The following NTN1 variants were observed in gnomAD, a reference collection of about 807,000 sequenced individuals.
NTN1 encodes the protein netrin 1.
In NTN1, 11 loss-of-function variants were observed where a neutral mutation model predicts 54.2. That is an observed-to-expected ratio of 0.20 (90% confidence interval 0.13 to 0.34). The LOEUF (loss-of-function observed/expected upper bound fraction) is 0.34, where lower values mean the gene tolerates loss of function less well. NTN1 is among the 10% of genes least tolerant of loss of function. NTN1 has a pLI of 1.00. For synonymous variants in NTN1, 371 were observed against 382.0 expected, an observed-to-expected ratio of 0.97 and a Z score of 0.33; for missense variants, 740 against 893.1, an observed-to-expected ratio of 0.83 and a Z score of 2.18.
At chr17:9,113,045 A>G (rs1434551910) in intron 2 of NTN1, among the ~76,000 whole-genome samples, 2 of 144,054 alleles carry the variant, frequency 1.4e-5, no homozygotes, top group East Asian at 2.0e-4. Flanking sequence ...TTTTTTTGAG[A>G]CAGAGTCTCA....
intron 6 of NTN1, among the ~76,000 whole-genome samples, chr17:9,231,986 G>A (rs1309842002): frequency 6.6e-6 from 1 of 152,108 alleles, no homozygotes; most frequent in African/African-American, 2.4e-5. Context: ...AGCCCTCACC[G>A]ATGCCTTTGT....
intron 3 of NTN1, among the ~76,000 whole-genome samples, chr17:9,163,534 C>T (rs906491446): frequency 1.4e-4 from 21 of 146,506 alleles, no homozygotes; most frequent in Admixed American, 1.0e-3. Flanking sequence ...ACAGTCACAG[C>T]GGAGTCGGCA....
At chr17:9,228,070 G>T (rs117462365) in intron 6 of NTN1, among the ~76,000 whole-genome samples, 3,380 of 152,210 alleles carry the variant, frequency 0.022, 57 homozygotes, top group Non-Finnish European at 0.039. Context: ...TCTGTGTGAG[G>T]CTCAGTCCTG....
chr17:9,159,684 G>A (rs533716459), intron 2 of NTN1, among the ~76,000 whole-genome samples: 3 of 152,102 alleles, frequency 2.0e-5, no homozygotes, highest in South Asian at 4.2e-4. Context: ...GCCTGTAATA[G>A]CAGCTACTCG....
intron 2 of NTN1, among the ~76,000 whole-genome samples, chr17:9,037,836 G>T (rs1362904290): frequency 6.6e-6 from 1 of 152,094 alleles, no homozygotes; most frequent in African/African-American, 2.4e-5. Context: ...CAGCCTCCCT[G>T]GTCTCTTCTT....
At chr17:9,232,927 C>T (rs1905863794) in intron 6 of NTN1, among the ~76,000 whole-genome samples, 1 of 152,100 alleles carries the variant, frequency 6.6e-6, no homozygotes, top group African/African-American at 2.4e-5. Flanking sequence ...CTTTCCACAG[C>T]GGGAGATTTA....
chr17:9,112,676 T>A (rs1008291647), intron 2 of NTN1, among the ~76,000 whole-genome samples: 8 of 151,644 alleles, frequency 5.3e-5, no homozygotes, highest in African/African-American at 1.7e-4. Flanking sequence ...ATACAAAAAA[T>A]TAGCCGGGCG....
the NTN1 span, among the ~76,000 whole-genome samples, chr17:9,011,256 A>T: frequency 6.6e-6 from 1 of 152,100 alleles, no homozygotes; most frequent in Non-Finnish European, 1.5e-5. Flanking sequence ...GCCACAGACT[A>T]GTGGTAGTTC....
intron 3 of NTN1, chr17:9,175,871 C>T (rs951108786): frequency 6.6e-6 from 1 of 152,144 alleles, no homozygotes; most frequent in Admixed American, 6.5e-5. Context: ...GGAAAAAATC[C>T]CCGGGTTGAT....
intron 2 of NTN1, among the ~76,000 whole-genome samples, chr17:9,142,566 G>T (rs963289483): frequency 1.3e-5 from 2 of 152,058 alleles, no homozygotes; most frequent in African/African-American, 4.8e-5. Context: ...TGATGGGAGG[G>T]GGGTGGAGGT....
Position 9,031,563 on chromosome 17 carries a change from A to C in NTN1, c.1018+8172A>C, listed in dbSNP as rs115503343. ...CTTCTGAAGACCTTCCCCTTCCCCA[A>C]CCTGCAGACAGAGAAGTACTTTGTA... On this transcript the variant is annotated intron_variant, in intron 2 of 6. Transcript: ENST00000173229. 8.2e-3 allele frequency among the ~76,000 whole-genome samples: 1,251 copies of C among 152,148 alleles called. 17 individuals carry two copies. Among genetic ancestry groups the C allele is most frequent in the African/African-American group, 0.029 (1,191 of 41,488 alleles).
At chr17:9,052,473 A>G (rs1004585518) in intron 2 of NTN1, among the ~76,000 whole-genome samples, 2 of 152,224 alleles carry the variant, frequency 1.3e-5, no homozygotes, top group African/African-American at 4.8e-5. Context: ...AGGTACATCA[A>G]TCGAACATCA....
intron 2 of NTN1, among the ~76,000 whole-genome samples, chr17:9,084,770 C>T (rs1027805319): frequency 6.6e-6 from 1 of 151,318 alleles, no homozygotes. Flanking sequence ...TCCTGCCTCA[C>T]CCTCCCAAGG....
chr17:9,096,581 CA>C (rs2092132835), intron 2 of NTN1, among the ~76,000 whole-genome samples: 1 of 152,046 alleles, frequency 6.6e-6, no homozygotes, highest in Non-Finnish European at 1.5e-5. Context: ...CCGTGTTAGC[CA>C]GGATGGTCTC....
intron 6 of NTN1, among the ~76,000 whole-genome samples, chr17:9,235,876 C>T (rs1270216176): frequency 3.9e-5 from 6 of 151,934 alleles, no homozygotes; most frequent in South Asian, 2.1e-4. Context: ...CTCAGCCTCC[C>T]GAGTAGCTGG....
At chr17:9,130,335 G>A (rs2092260697) in intron 2 of NTN1, among the ~76,000 whole-genome samples, 1 of 152,076 alleles carries the variant, frequency 6.6e-6, no homozygotes, top group South Asian at 2.1e-4. Context: ...ACTAAGGGAG[G>A]CGGCAGGAGT....
rs1451112334 is a variant in NTN1 at position 9,022,952 on chromosome 17, C to T, written c.579C>T (p.Ile193=). ...KMYNRPHRAP[I]TKQNEQEAVC... is the part of the protein sequence containing the mutation. ...ACAACCGGCCGCACCGCGCGCCCAT[C>T]ACCAAGCAGAACGAGCAGGAGGCCG... Residue 193 remains isoleucine, a synonymous_variant, in exon 2 of 7, where the codon ATC becomes ATT. Coordinates refer to ENST00000173229, the MANE Select transcript of NTN1 (RefSeq NM_004822.3). 2 of 1,611,684 alleles carry T rather than the reference C, an allele frequency of 1.2e-6. No individual in the cohort carries two copies. The highest frequency in any genetic ancestry group is 1.7e-5 in the Admixed American group (1 of 59,934).
intron 2 of NTN1, among the ~76,000 whole-genome samples, chr17:9,122,213 A>G (rs1178433855): frequency 6.6e-6 from 1 of 151,538 alleles, no homozygotes; most frequent in Non-Finnish European, 1.5e-5. Flanking sequence ...AATTTTTTGT[A>G]TGTTTAAAGA....
At chr17:9,013,181 T>C in the NTN1 span, among the ~76,000 whole-genome samples, 1 of 151,632 alleles carries the variant, frequency 6.6e-6, no homozygotes, top group East Asian at 1.9e-4. Flanking sequence ...ATACCACCTC[T>C]ACAGAGAAAC....
Sources: gnomAD v4.1 joint callset for allele counts (sites outside exome capture counted in the v4.1 genomes callset) on GRCh38, gnomAD v4.1.1 for gene constraint, MANE v1.5 for transcripts, NCBI Gene and HGNC (gene_info 2026-07-23, HGNC 2026-07-21) for gene names.